Variants in IGFL2 observed in about 807,000 individuals in gnomAD.
IGFL2 encodes the protein IGF like family member 2.
A neutral mutation model predicts 13.9 loss-of-function variants in IGFL2; 7 were observed. That is an observed-to-expected ratio of 0.51 (90% CI 0.29 to 0.95). The LOEUF (loss-of-function observed/expected upper bound fraction) is 0.95, where lower values mean the gene tolerates loss of function less well. IGFL2 is among the 40% of genes least tolerant of loss of function. IGFL2 has a pLI of 0.08. For synonymous variants in IGFL2, 55 were observed against 55.8 expected (o/e 0.99, Z 0.07); for missense variants, 138 against 147.8 (o/e 0.93, Z 0.34).
At chr19:46,109,241 A>T in the IGFL2 span, among the ~76,000 whole-genome samples, 3 of 152,040 alleles carry the variant, frequency 2.0e-5, no homozygotes, top group African/African-American at 7.3e-5. Context: ...TAGGCAATGG[A>T]GTTAGGAGCA....
In IGFL2 at chr19:46,148,255, TC is replaced by T. The variant is rs1313131896; in HGVS notation, c.-21del. 6.4e-7 allele frequency: 1 copy of T among 1,550,896 alleles called. No homozygotes were observed. Among genetic ancestry groups the T allele is most frequent in the African/African-American group, 1.4e-5 (1 of 73,022 alleles). On this transcript the variant is annotated 5_prime_UTR_variant, in exon 1 of 4. Transcript: ENST00000377693. ...CACTGACCCATTTGCACTGCTGCTG[TC>T]CCATCAGCTGCTCTGAAGCTCCATG...
the IGFL2 span, among the ~76,000 whole-genome samples, chr19:46,166,368 A>G: frequency 8.3e-4 from 126 of 152,266 alleles, 2 homozygotes; most frequent in Middle Eastern, 0.017. Flanking sequence ...TTCAAAAGGG[A>G]AGGGAGTGTA....
the IGFL2 span, chr19:46,202,435 GAGA>G: frequency 4.6e-5 from 7 of 152,268 alleles, no homozygotes; most frequent in East Asian, 5.8e-4. Flanking sequence ...CAGGCTAAGG[GAGA>G]AGAAGGAGGA....
the IGFL2 span, among the ~76,000 whole-genome samples, chr19:46,109,013 A>G: frequency 7.8e-4 from 119 of 152,330 alleles, no homozygotes; most frequent in Non-Finnish European, 1.7e-3. Flanking sequence ...GGATCTCCTC[A>G]TGGAGTGAGG....
At chr19:46,212,093 CTGA>C in the IGFL2 span, 1 of 151,956 alleles carries the variant, frequency 6.6e-6, no homozygotes. Context: ...TTATGCCCAA[CTGA>C]TGGTTTTCCA....
the IGFL2 span, among the ~76,000 whole-genome samples, chr19:46,135,453 T>A: frequency 6.6e-6 from 1 of 152,048 alleles, no homozygotes; most frequent in Non-Finnish European, 1.5e-5. Context: ...CCAGAACCCC[T>A]GCTCTGAACC....
At chr19:46,194,168 G>A in the IGFL2 span, among the ~76,000 whole-genome samples, 1 of 152,100 alleles carries the variant, frequency 6.6e-6, no homozygotes, top group Non-Finnish European at 1.5e-5. Flanking sequence ...CCCACTGGGG[G>A]TCCCTGGAAA....
chr19:46,168,852 CCT>C, the IGFL2 span, among the ~76,000 whole-genome samples: 1 of 95,424 alleles, frequency 1.0e-5, no homozygotes, highest in Non-Finnish European at 2.1e-5. Flanking sequence ...AATTTTTTTC[CCT>C]GTTTTTTTCT....
chr19:46,209,151 C>T, the IGFL2 span: 1 of 152,230 alleles, frequency 6.6e-6, no homozygotes, highest in African/African-American at 2.4e-5. Flanking sequence ...GTCGTGTCCC[C>T]AGCATCCACT....
At chr19:46,194,853 T>TATATATATATATATATATATATA in the IGFL2 span, among the ~76,000 whole-genome samples, 1 of 14,114 alleles carries the variant, frequency 7.1e-5, no homozygotes, top group Admixed American at 8.2e-4. Context: ...TATATATATA[T>TATATATATATATATATATATATA]TTTTTTTTTT....
chr19:46,181,812 G>A, the IGFL2 span, among the ~76,000 whole-genome samples: 2 of 152,150 alleles, frequency 1.3e-5, no homozygotes, highest in Non-Finnish European at 2.9e-5. Context: ...CAACAATACT[G>A]GTTGTTCTCA....
intron 1 of IGFL2, among the ~76,000 whole-genome samples, chr19:46,151,287 A>T (rs1160229924): frequency 2.0e-5 from 3 of 152,126 alleles, no homozygotes; most frequent in Non-Finnish European, 4.4e-5. Flanking sequence ...TGAGGAAGAG[A>T]TCCTCTTTCT....
chr19:46,157,137 A>G (rs1383923766), intron 1 of IGFL2, among the ~76,000 whole-genome samples: 1 of 152,320 alleles, frequency 6.6e-6, no homozygotes, highest in Middle Eastern at 3.4e-3. Flanking sequence ...AATTTAAAAT[A>G]TCTCCTAAAA....
chr19:46,106,023 AT>A, the IGFL2 span, among the ~76,000 whole-genome samples: 1 of 152,174 alleles, frequency 6.6e-6, no homozygotes, highest in African/African-American at 2.4e-5. Context: ...GTGAGTTTAT[AT>A]AATGGTTTAG....
At chr19:46,187,538 A>T in the IGFL2 span, among the ~76,000 whole-genome samples, 9 of 119,990 alleles carry the variant, frequency 7.5e-5, no homozygotes, top group Non-Finnish European at 1.4e-4. Flanking sequence ...GGTGAGCATT[A>T]ACCCGTTTAA....
intron 1 of IGFL2, among the ~76,000 whole-genome samples, chr19:46,153,965 G>C (rs1382756596): frequency 6.6e-6 from 1 of 151,890 alleles, no homozygotes; most frequent in Admixed American, 6.6e-5. Flanking sequence ...TTAGGTATTT[G>C]TCCTAATGTG....
the IGFL2 span, among the ~76,000 whole-genome samples, chr19:46,205,076 C>T: frequency 1.3e-5 from 2 of 152,096 alleles, no homozygotes; most frequent in African/African-American, 2.4e-5. Context: ...CGTGAGCCAC[C>T]GTGCCCAGCA....
upstream of IGFL2, among the ~76,000 whole-genome samples, chr19:46,138,957 C>A (rs935475280): frequency 6.6e-6 from 1 of 151,386 alleles, no homozygotes; most frequent in African/African-American, 2.4e-5. Context: ...CTGGGCTCTA[C>A]ACAGGCTAGA....
upstream of IGFL2, among the ~76,000 whole-genome samples, chr19:46,140,454 G>A (rs1338883053): frequency 6.6e-6 from 1 of 152,078 alleles, no homozygotes; most frequent in Non-Finnish European, 1.5e-5. Context: ...AAGGTGGGAG[G>A]ATCACTTGAG....
Sources: gnomAD v4.1 joint callset for allele counts (sites outside exome capture counted in the v4.1 genomes callset) on GRCh38, gnomAD v4.1.1 for gene constraint, MANE v1.5 for transcripts, NCBI Gene and HGNC (gene_info 2026-07-23, HGNC 2026-07-21) for gene names.